The following DTD1 variants were observed in gnomAD, a reference collection of about 807,000 sequenced individuals.
DTD1 encodes the protein D-tyrosyl-tRNA deacylase 1 homolog.
Under a neutral mutation model 25.6 loss-of-function variants are expected in DTD1, and 13 were observed. The observed-to-expected ratio is 0.51, with a 90% CI of 0.33 to 0.81. The LOEUF (loss-of-function observed/expected upper bound fraction) is 0.81, where lower values mean the gene tolerates loss of function less well. Ranked by LOEUF, DTD1 falls within the 30% of genes least tolerant of loss-of-function variation. DTD1 has a pLI of 0.02. For missense variants in DTD1, 193 were observed against 266.4 expected, an observed-to-expected ratio of 0.72 and a Z score of 1.92; for synonymous variants, 110 against 103.6, an observed-to-expected ratio of 1.06 and a Z score of -0.37.
At chr20:18,649,909 C>G (rs1043024711) in intron 4 of DTD1, among the ~76,000 whole-genome samples, 2 of 152,230 alleles carry the variant, frequency 1.3e-5, no homozygotes, top group African/African-American at 4.8e-5. Flanking sequence ...ACCTACAAAA[C>G]ACACATTCGA....
chr20:18,610,843 T>C (rs907467177), intron 3 of DTD1, among the ~76,000 whole-genome samples: 4 of 94,814 alleles, frequency 4.2e-5, no homozygotes, highest in Non-Finnish European at 7.8e-5. Context: ...ACACAGGAGA[T>C]TGAGGCTGCA....
rs186163872 is a variant in DTD1 at position 18,656,305 on chromosome 20, A to C, written c.477+28072A>C. On this transcript the variant is annotated intron_variant, in intron 4 of 5. Transcript: ENST00000377452. ...ATTCTCTAAATGGAACTGTCTTTAT[A>C]GGGATTATCTTAAGAAATGCTAGTT... 1.3e-3 allele frequency among the ~76,000 whole-genome samples: 197 copies of C among 152,318 alleles called. 1 individual carries two copies. Among genetic ancestry groups the C allele is most frequent in the Non-Finnish European group, 2.0e-3 (137 of 68,026 alleles).
In DTD1 at chr20:18,639,897, A is replaced by G. The variant is rs146806703; in HGVS notation, c.477+11664A>G. Among the ~76,000 whole-genome samples, 313 of 152,304 alleles carry G rather than the reference A, an allele frequency of 2.1e-3. 1 individual carries two copies. The highest frequency in any genetic ancestry group is 3.4e-3 in the Non-Finnish European group (233 of 68,030). On this transcript the variant is annotated intron_variant, in intron 4 of 5. Coordinates refer to ENST00000377452, the MANE Select transcript of DTD1 (RefSeq NM_080820.6). The stretch of plus-strand genomic sequence containing the variant: ...TATCCCCCGGGCAGTGGCTCTGTTC[A>G]GGAATTGCATGGCTGTTTGACTGCA...
chr20:18,708,742 G>A (rs1324348022), intron 4 of DTD1, among the ~76,000 whole-genome samples: 1 of 152,060 alleles, frequency 6.6e-6, no homozygotes, highest in African/African-American at 2.4e-5. Context: ...GCGGGCAGTG[G>A]TCTGTTGCCC....
At chr20:18,679,549 G>A (rs2060988789) in intron 4 of DTD1, among the ~76,000 whole-genome samples, 1 of 152,186 alleles carries the variant, frequency 6.6e-6, no homozygotes, top group Non-Finnish European at 1.5e-5. Context: ...CTGATTGTCA[G>A]GGGGAAGAAT....
At chr20:18,659,277 C>G in intron 4 of DTD1, among the ~76,000 whole-genome samples, 1 of 152,234 alleles carries the variant, frequency 6.6e-6, no homozygotes, top group East Asian at 1.9e-4. Context: ...GTGCCCAGCA[C>G]TGGTTTGCAC....
chr20:18,647,521 G>T (rs533885363), intron 4 of DTD1, among the ~76,000 whole-genome samples: 2 of 152,156 alleles, frequency 1.3e-5, no homozygotes, highest in Non-Finnish European at 2.9e-5. Flanking sequence ...GGAAGAGGCA[G>T]CTGGGTCTGA....
At chr20:18,661,823 A>G (rs962890578) in intron 4 of DTD1, among the ~76,000 whole-genome samples, 3 of 152,222 alleles carry the variant, frequency 2.0e-5, no homozygotes, top group East Asian at 3.8e-4. Flanking sequence ...GGCTGATAAC[A>G]GGTAATGTCC....
chr20:18,751,668 A>G (rs916737796), intron 5 of DTD1, among the ~76,000 whole-genome samples: 2 of 151,758 alleles, frequency 1.3e-5, no homozygotes, highest in African/African-American at 2.4e-5. Flanking sequence ...AATTTTTTGT[A>G]TTTTTTGTAG....
chr20:18,631,054 C>T, intron 4 of DTD1: 1 of 985,384 alleles, frequency 1.0e-6, no homozygotes, highest in African/African-American at 1.7e-5. Context: ...TAACCTCTTT[C>T]CCCTTGTCTG....
intron 3 of DTD1, among the ~76,000 whole-genome samples, chr20:18,625,478 G>T (rs577828188): frequency 6.6e-6 from 1 of 152,270 alleles, no homozygotes; most frequent in Non-Finnish European, 1.5e-5. Flanking sequence ...CCAGCCTCTG[G>T]GGCACTGGGG....
At chr20:18,607,700 C>T (rs1012831843) in intron 3 of DTD1, among the ~76,000 whole-genome samples, 2 of 151,744 alleles carry the variant, frequency 1.3e-5, no homozygotes, top group African/African-American at 4.8e-5. Flanking sequence ...TCCAAATTGT[C>T]TTTTTCTTCT....
intron 4 of DTD1, among the ~76,000 whole-genome samples, chr20:18,633,854 C>A (rs780358993): frequency 1.3e-5 from 2 of 152,176 alleles, no homozygotes; most frequent in Non-Finnish European, 2.9e-5. Context: ...CTAACTGGAC[C>A]GCTGCTTGTT....
intron 3 of DTD1, among the ~76,000 whole-genome samples, chr20:18,603,617 A>G (rs1252753215): frequency 9.5e-6 from 1 of 104,858 alleles, no homozygotes; most frequent in East Asian, 2.3e-4. Flanking sequence ...AGGATTAAGA[A>G]TCTCACTCAA....
chr20:18,680,927 T>C (rs11906583), intron 4 of DTD1, among the ~76,000 whole-genome samples: 54,963 of 152,038 alleles, frequency 0.36, 10,264 homozygotes, highest in Non-Finnish European at 0.41. Context: ...CTTCCAGCTG[T>C]TACTGCGTCC....
chr20:18,733,173 T>C (rs1410499611), intron 4 of DTD1, among the ~76,000 whole-genome samples: 1 of 152,180 alleles, frequency 6.6e-6, no homozygotes, highest in East Asian at 1.9e-4. Context: ...ATATCTCAGT[T>C]GGCTCAGTGG....
At chr20:18,753,722 C>A (rs2061329298) in intron 5 of DTD1, among the ~76,000 whole-genome samples, 1 of 151,806 alleles carries the variant, frequency 6.6e-6, no homozygotes, top group Admixed American at 6.6e-5. Context: ...AAGGTTTGTT[C>A]CTACCACTTT....
At chr20:18,603,725 A>G (rs1384279667) in intron 3 of DTD1, among the ~76,000 whole-genome samples, 1 of 133,320 alleles carries the variant, frequency 7.5e-6, no homozygotes, top group African/African-American at 2.8e-5. Context: ...TTTGAAACCA[A>G]CGAGAACAAA....
intron 5 of DTD1, among the ~76,000 whole-genome samples, chr20:18,759,060 C>T (rs2061350665): frequency 6.6e-6 from 1 of 152,052 alleles, no homozygotes; most frequent in Admixed American, 6.6e-5. Context: ...ATTGCAACCC[C>T]TGCCTTTTTT....
Sources: allele counts gnomAD v4.1 joint callset (sites outside exome capture counted in the v4.1 genomes callset), GRCh38; gene constraint gnomAD v4.1.1; transcripts MANE v1.5; gene names NCBI Gene and HGNC (gene_info 2026-07-23, HGNC 2026-07-21).